The following CLSTN2 variants were observed in gnomAD, a reference collection of about 807,000 sequenced individuals.
CLSTN2 encodes calsyntenin-2.
In CLSTN2, 48 loss-of-function variants were observed where a neutral mutation model predicts 101.2. The observed-to-expected ratio is 0.47, with a 90% CI of 0.38 to 0.60. The LOEUF (loss-of-function observed/expected upper bound fraction) is 0.60, where lower values mean the gene tolerates loss of function less well. Among genes scored for constraint, CLSTN2 ranks in the 20% least tolerant of loss-of-function variants. The pLI, the probability that CLSTN2 is intolerant of heterozygous loss-of-function variation, is 0.00. For synonymous variants in CLSTN2, 481 were observed against 463.6 expected, an observed-to-expected ratio of 1.04 and a Z score of -0.48; for missense variants, 1,160 against 1,238.2, an observed-to-expected ratio of 0.94 and a Z score of 0.95.
chr3:139,941,759 C>T (rs975278258), intron 1 of CLSTN2, among the ~76,000 whole-genome samples: 1 of 152,102 alleles, frequency 6.6e-6, no homozygotes, highest in Non-Finnish European at 1.5e-5. Flanking sequence ...CACACAGGCA[C>T]GAGTGAAGAG....
chr3:140,014,130 A>G (rs1017227916), intron 1 of CLSTN2, among the ~76,000 whole-genome samples: 5 of 152,218 alleles, frequency 3.3e-5, no homozygotes, highest in African/African-American at 1.2e-4. Context: ...CACTGAGACT[A>G]GGTCAGTGTT....
At chr3:140,201,345 C>T (rs1419107960) in intron 2 of CLSTN2, among the ~76,000 whole-genome samples, 1 of 152,008 alleles carries the variant, frequency 6.6e-6, no homozygotes, top group African/African-American at 2.4e-5. Context: ...AAAAATGGGG[C>T]CTTGTCAAGG....
chr3:140,288,784 G>A (rs1012924828), intron 2 of CLSTN2, among the ~76,000 whole-genome samples: 2 of 152,114 alleles, frequency 1.3e-5, no homozygotes, highest in African/African-American at 4.8e-5. Context: ...GCCAGGCTGG[G>A]GAACTAATGA....
chr3:139,979,143 T>C (rs1191065140), intron 1 of CLSTN2, among the ~76,000 whole-genome samples: 1 of 152,166 alleles, frequency 6.6e-6, no homozygotes, highest in Non-Finnish European at 1.5e-5. Context: ...ACTTACACAC[T>C]GGTGCCTCTG....
chr3:140,124,643 G>A (rs1050675266), intron 1 of CLSTN2, among the ~76,000 whole-genome samples: 3 of 152,206 alleles, frequency 2.0e-5, no homozygotes, highest in African/African-American at 7.2e-5. Context: ...TGGGCCAGGA[G>A]GAGATATGGG....
At chr3:140,111,556 C>G (rs2009155821) in intron 1 of CLSTN2, among the ~76,000 whole-genome samples, 1 of 152,070 alleles carries the variant, frequency 6.6e-6, no homozygotes, top group African/African-American at 2.4e-5. Flanking sequence ...AGAGGAACAC[C>G]CTCTCTACAA....
chr3:140,269,957 A>G (rs2086727340), intron 2 of CLSTN2, among the ~76,000 whole-genome samples: 1 of 111,834 alleles, frequency 8.9e-6, no homozygotes, highest in African/African-American at 7.8e-5. Flanking sequence ...TGAGGATTTG[A>G]TGGTAGAGAA....
intron 8 of CLSTN2, among the ~76,000 whole-genome samples, chr3:140,487,667 A>G (rs975608176): frequency 2.6e-5 from 4 of 152,226 alleles, no homozygotes; most frequent in African/African-American, 9.6e-5. Context: ...AGAAAAGCCT[A>G]ACGTCTGCCT....
intron 1 of CLSTN2, among the ~76,000 whole-genome samples, chr3:140,147,529 TG>T (rs1371306697): frequency 6.6e-6 from 1 of 152,154 alleles, no homozygotes; most frequent in Non-Finnish European, 1.5e-5. Context: ...ATTTGTAGCA[TG>T]GGGCAGAGAG....
At chr3:140,301,820 C>T (rs1467630531) in intron 2 of CLSTN2, among the ~76,000 whole-genome samples, 2 of 152,154 alleles carry the variant, frequency 1.3e-5, no homozygotes, top group African/African-American at 4.8e-5. Flanking sequence ...CTACCTCCTG[C>T]CCAGCTAGCT....
chr3:140,490,699 T>C (rs1430264277), intron 8 of CLSTN2, among the ~76,000 whole-genome samples: 1 of 151,656 alleles, frequency 6.6e-6, no homozygotes, highest in Non-Finnish European at 1.5e-5. Flanking sequence ...TTAACAGTTA[T>C]AGGAAGTCTT....
chr3:140,473,950 T>G (rs925960569), intron 8 of CLSTN2, among the ~76,000 whole-genome samples: 1 of 151,998 alleles, frequency 6.6e-6, no homozygotes, highest in Admixed American at 6.5e-5. Flanking sequence ...TTGTTTGGTT[T>G]TTTTTAGTAG....
At chr3:140,043,111 A>G (rs2007795300) in intron 1 of CLSTN2, among the ~76,000 whole-genome samples, 1 of 152,180 alleles carries the variant, frequency 6.6e-6, no homozygotes, top group African/African-American at 2.4e-5. Flanking sequence ...TGTCTTCCAC[A>G]ATGGTTGAAC....
intron 5 of CLSTN2, among the ~76,000 whole-genome samples, chr3:140,431,192 A>C (rs751730314): frequency 1.3e-5 from 2 of 152,208 alleles, no homozygotes. Context: ...TGATTGAACC[A>C]GGTATAGGGA....
chr3:140,577,259 T>A lies in CLSTN2; in HGVS notation c.*11006T>A, dbSNP rs1197492874. 6.6e-6 allele frequency: 1 copy of A among 152,268 alleles called. No individual in the cohort carries two copies. Among genetic ancestry groups the A allele is most frequent in the Non-Finnish European group, 1.5e-5 (1 of 68,044 alleles). 9.4% of individuals were successfully genotyped at this position (152,268 alleles called of 1,614,324 possible). A position where few individuals can be genotyped will look rare whatever the true frequency, so the allele number is the denominator to read the frequency against. Reference sequence around the variant, plus strand: ...ATTCTTGCAGTTTTCAAGTAATTTGTTAAATGCCTATTCAACACAGACAGA... The same window carrying A: ...ATTCTTGCAGTTTTCAAGTAATTTGATAAATGCCTATTCAACACAGACAGA... On this transcript the variant is annotated 3_prime_UTR_variant, in exon 17 of 17. Coordinates refer to ENST00000458420, the MANE Select transcript of CLSTN2 (RefSeq NM_022131.3).
At chr3:140,447,101 A>T (rs891881549) in intron 5 of CLSTN2, among the ~76,000 whole-genome samples, 3 of 152,252 alleles carry the variant, frequency 2.0e-5, no homozygotes, top group Admixed American at 6.5e-5. Context: ...GCCTTCTGGT[A>T]ACTGCAGCCT....
chr3:140,556,858 A>G, intron 11 of CLSTN2, 197 bp downstream of exon 11: 1 of 570,654 alleles, frequency 1.8e-6, no homozygotes, highest in South Asian at 2.2e-5. Flanking sequence ...CTGTTGTTTT[A>G]CCACCTTGAA....
At chr3:140,092,885 C>T (rs2008804474) in intron 1 of CLSTN2, among the ~76,000 whole-genome samples, 1 of 152,172 alleles carries the variant, frequency 6.6e-6, no homozygotes, top group Non-Finnish European at 1.5e-5. Context: ...CTCCTCCTAC[C>T]TCAGGGGTTC....
intron 8 of CLSTN2, chr3:140,506,868 T>C (rs1459743784): frequency 1.3e-5 from 2 of 152,232 alleles, no homozygotes. Context: ...TTTTTAATAT[T>C]AATTACATGT....
Sources: gnomAD v4.1 joint callset for allele counts (sites outside exome capture counted in the v4.1 genomes callset) on GRCh38, gnomAD v4.1.1 for gene constraint, MANE v1.5 for transcripts, NCBI Gene and HGNC (gene_info 2026-07-23, HGNC 2026-07-21) for gene names.